The following PREX1 variants were observed in gnomAD, a reference collection of about 807,000 sequenced individuals.
PREX1 encodes the protein phosphatidylinositol 3,4,5-trisphosphate-dependent Rac exchanger 1 protein.
Under a neutral mutation model 198.3 loss-of-function variants are expected in PREX1, and 41 were observed. The ratio of observed to expected loss-of-function variants is 0.21; its 90% CI spans 0.16 to 0.27. The LOEUF is 0.27. Ranked by LOEUF, PREX1 falls within the 10% of genes least tolerant of loss-of-function variation. The pLI is 1.00. For missense variants in PREX1, 1,620 were observed against 2,200.7 expected (o/e 0.74, Z 5.28); for synonymous variants, 843 against 887.2 (o/e 0.95, Z 0.89).
At chr20:48,724,239 G>A (rs2089999958) in intron 5 of PREX1, among the ~76,000 whole-genome samples, 1 of 151,122 alleles carries the variant, frequency 6.6e-6, no homozygotes, top group South Asian at 2.1e-4. Context: ...CGTGGCCTTG[G>A]AAAGGCCACT....
intron 9 of PREX1, among the ~76,000 whole-genome samples, 172 bp from the exon 10 acceptor site, chr20:48,688,976 C>T (rs961851573): frequency 6.6e-6 from 1 of 152,206 alleles, no homozygotes; most frequent in African/African-American, 2.4e-5. Context: ...ACTGTCGCTG[C>T]CCTAGGCACC....
chr20:48,669,304 G>A (rs2089660054), intron 14 of PREX1, among the ~76,000 whole-genome samples: 1 of 151,996 alleles, frequency 6.6e-6, no homozygotes, highest in African/African-American at 2.4e-5. Context: ...CCTGAAAGTA[G>A]CCCCCCAAAC....
chr20:48,830,806 A>G (rs2090535654), upstream of PREX1, among the ~76,000 whole-genome samples: 1 of 152,208 alleles, frequency 6.6e-6, no homozygotes, highest in African/African-American at 2.4e-5. Flanking sequence ...TACCTACATC[A>G]TAAAGTCGTT....
rs1408824910 is a variant in PREX1, at chr20:48,645,959, T to C, written c.3404A>G (p.Glu1135Gly). 2 of 1,614,202 alleles carry C rather than the reference T, an allele frequency of 1.2e-6. No homozygotes were observed. The highest frequency in any genetic ancestry group is 4.5e-5 in the East Asian group (2 of 44,888). The change falls in exon 26 of 40, where the codon GAG becomes GGG. Residue 1135 changes from glutamate (E) to glycine (G), a missense_variant. By Grantham distance (98) the Glu-to-Gly change is moderately conservative (BLOSUM62 -2). Around this residue, in one of 7 missense-constraint regions of PREX1, gnomAD observed 514 missense variants for 611.6 expected, o/e 0.84. Coordinates refer to ENST00000371941, the MANE Select transcript of PREX1 (RefSeq NM_020820.4). ...GCCCCCATGGTCACTCCTGTCCATC[T>C]CGCTCTCTTCACTGACCAGGGGCAG... ...SSLPLVSEES[E>G]MDRSDHGGIK... is the part of the protein sequence containing the mutation.
In PREX1 at chr20:48,645,941, T is replaced by A. The variant is rs753275404; in HGVS notation, c.3422A>T (p.His1141Leu). 4 of 1,614,176 alleles carry A rather than the reference T, an allele frequency of 2.5e-6. No homozygotes were observed. In the South Asian group the frequency reaches 4.4e-5, roughly 18 times the overall value. Residue 1141 changes from histidine (H) to leucine (L), a missense_variant, in exon 26 of 40, where the codon CAT (histidine) becomes CTT (leucine). His to Leu is a moderately conservative substitution (Grantham distance 99, BLOSUM62 -3). Transcript: ENST00000371941. ...GAAGCACACCTTCTTGATGCCCCCATGGTCACTCCTGTCCATCTCGCTCTC... is the reference window on the plus strand; with the variant it reads ...GAAGCACACCTTCTTGATGCCCCCAAGGTCACTCCTGTCCATCTCGCTCTC... ...SEESEMDRSD[H>L]GGIKKVCFKV... is the part of the protein sequence containing the mutation.
intron 1 of PREX1, among the ~76,000 whole-genome samples, chr20:48,763,655 T>C (rs1001911904): frequency 3.3e-5 from 5 of 152,194 alleles, no homozygotes; most frequent in African/African-American, 1.2e-4. Context: ...ATTGTATTTG[T>C]AGAGTCAGGA....
At chr20:48,658,011 T>A (rs994467815) in intron 17 of PREX1, 125 bp downstream of exon 17, 22 of 937,494 alleles carry the variant, frequency 2.3e-5, no homozygotes, top group Non-Finnish European at 3.4e-5. Flanking sequence ...ACGTGAGCAA[T>A]GAGAGAAGAG....
intron 1 of PREX1, among the ~76,000 whole-genome samples, chr20:48,778,130 T>C (rs1268978889): frequency 1.3e-5 from 2 of 152,134 alleles, no homozygotes; most frequent in Non-Finnish European, 2.9e-5. Context: ...CCTACAGAAA[T>C]TGGAAAGCCA....
At chr20:48,873,953 A>G in the PREX1 span, among the ~76,000 whole-genome samples, 5 of 152,012 alleles carry the variant, frequency 3.3e-5, no homozygotes, top group East Asian at 3.9e-4. Context: ...GGGCAATCGC[A>G]GCCCACTGCA....
At chr20:48,766,755 C>G (rs912684314) in intron 1 of PREX1, among the ~76,000 whole-genome samples, 1 of 152,204 alleles carries the variant, frequency 6.6e-6, no homozygotes, top group Non-Finnish European at 1.5e-5. Context: ...CAGCCTAAGA[C>G]CTCTCAGAGG....
chr20:48,685,338 G>C (rs1456366333), intron 10 of PREX1, among the ~76,000 whole-genome samples: 1 of 152,166 alleles, frequency 6.6e-6, no homozygotes, highest in Admixed American at 6.5e-5. Flanking sequence ...TTTTAAATGT[G>C]GCATCTAAGA....
At chr20:48,861,914 A>G in the PREX1 span, among the ~76,000 whole-genome samples, 1 of 152,106 alleles carries the variant, frequency 6.6e-6, no homozygotes, top group Admixed American at 6.6e-5. Flanking sequence ...AAAAATAGAG[A>G]AAATGAAAAA....
chr20:48,820,802 G>C (rs1053508675), intron 1 of PREX1, among the ~76,000 whole-genome samples: 2 of 152,224 alleles, frequency 1.3e-5, no homozygotes, highest in African/African-American at 4.8e-5. Context: ...CCACAGCAAA[G>C]AATGGTCCAG....
chr20:48,882,370 C>T, the PREX1 span, among the ~76,000 whole-genome samples: 27 of 151,464 alleles, frequency 1.8e-4, no homozygotes, highest in Admixed American at 5.3e-4. Flanking sequence ...GGTGTGGTGG[C>T]GGGCGCCTGT....
intron 7 of PREX1, among the ~76,000 whole-genome samples, chr20:48,694,772 G>C (rs186395590): frequency 4.6e-4 from 70 of 152,334 alleles, no homozygotes; most frequent in African/African-American, 1.6e-3. Flanking sequence ...AGTTGTAAGT[G>C]GTGAAGATGT....
chr20:48,862,605 G>A, the PREX1 span, among the ~76,000 whole-genome samples: 1,922 of 151,642 alleles, frequency 0.013, 39 homozygotes, highest in African/African-American at 0.044. Context: ...TCTCTAAGTT[G>A]TACAAGGTGA....
chr20:48,700,987 A>C (rs1601085292), intron 6 of PREX1, 101 bp from the exon 7 acceptor site: 1 of 1,497,678 alleles, frequency 6.7e-7, no homozygotes, highest in South Asian at 1.2e-5. Flanking sequence ...CATGCCAAAA[A>C]CTCCACCAGC....
intron 1 of PREX1, among the ~76,000 whole-genome samples, chr20:48,778,590 TAA>T (rs879320360): frequency 7.0e-6 from 1 of 142,654 alleles, no homozygotes; most frequent in Non-Finnish European, 1.5e-5. Flanking sequence ...ACTCCGTCTC[TAA>T]AAAAAAAAAG....
rs866025478 is a variant in PREX1, at chr20:48,827,998, C to A, written c.-138G>T. ...CGGGCTCCCGGCGCGGCGGGCGGGA[C>A]TGGGGGCCGGGCGGCTGGGCCGGGG... On this transcript the variant is annotated 5_prime_UTR_variant, in exon 1 of 40. Transcript: ENST00000371941. This position sits in a 1 kb window ranked among gnomAD's most constrained non-coding sequence, Gnocchi z 4.1. 1 of 197,816 alleles carries A rather than the reference C, an allele frequency of 5.1e-6. No homozygotes were observed. The highest frequency in any genetic ancestry group is 2.4e-5 in the African/African-American group (1 of 41,514). 12.3% of individuals were successfully genotyped at this position (197,816 alleles called of 1,614,324 possible).
Sources: allele counts gnomAD v4.1 joint callset (sites outside exome capture counted in the v4.1 genomes callset), GRCh38; gene constraint gnomAD v4.1.1; regional missense constraint gnomAD v4.1.1; non-coding constraint Gnocchi (gnomAD v3.1); transcripts MANE v1.5; gene names NCBI Gene and HGNC (gene_info 2026-07-23, HGNC 2026-07-21).